ZNF804A: variants seen among roughly 807,000 people sequenced by gnomAD.
The protein encoded by ZNF804A is zinc finger protein 804A.
In ZNF804A, 2 loss-of-function variants were observed where a neutral mutation model predicts 16.5. The observed-to-expected ratio is 0.12, with a 90% CI of 0.05 to 0.38. The LOEUF (loss-of-function observed/expected upper bound fraction) is 0.38. Ranked by LOEUF, ZNF804A falls within the 10% of genes least tolerant of loss-of-function variation. ZNF804A has a pLI of 0.99. For synonymous variants in ZNF804A, 534 were observed against 489.6 expected, an observed-to-expected ratio of 1.09 and a Z score of -1.20; for missense variants, 1,473 against 1,390.7, an observed-to-expected ratio of 1.06 and a Z score of -0.94.
intron 1 of ZNF804A, among the ~76,000 whole-genome samples, chr2:184,813,463 A>G (rs999188543): frequency 6.6e-6 from 1 of 152,094 alleles, no homozygotes; most frequent in African/African-American, 2.4e-5. Context: ...ACATTTCTAG[A>G]AAGAAAAACA....
At chr2:184,849,272 A>C (rs112438652) in intron 1 of ZNF804A, among the ~76,000 whole-genome samples, 3 of 152,144 alleles carry the variant, frequency 2.0e-5, no homozygotes, top group Admixed American at 6.6e-5. Context: ...CCATACCATG[A>C]GTTATAGTAG....
chr2:184,892,483 C>CTTTTTTTT lies in ZNF804A; in HGVS notation c.255+25986_255+25993dup, dbSNP rs869292193. Among the ~76,000 whole-genome samples the CTTTTTTTT allele has an allele frequency of 1.6e-3, 170 of 105,732 alleles. 8 individuals are homozygous for CTTTTTTTT. Among genetic ancestry groups the CTTTTTTTT allele is most frequent in the East Asian group, 0.014 (45 of 3,136 alleles). 69.4% of individuals were successfully genotyped at this position (105,732 alleles called of 152,430 possible). A position where few individuals can be genotyped will look rare whatever the true frequency, so the allele number is the denominator to read the frequency against. ...CTTCTATTCCTCACATTGTTGTGTTCTTTTTTTTTTTTTTTTTTTTTTATG... is the reference window on the plus strand; with the variant it reads ...CTTCTATTCCTCACATTGTTGTGTTCTTTTTTTTTTTTTTTTTTTTTTTTTTTTTTATG... On this transcript the variant is annotated intron_variant, in intron 2 of 3. Transcript: ENST00000302277.
chr2:184,616,099 G>T (rs919177328), intron 1 of ZNF804A, among the ~76,000 whole-genome samples: 4 of 151,846 alleles, frequency 2.6e-5, no homozygotes, highest in Non-Finnish European at 5.9e-5. Flanking sequence ...TTACTTTTTT[G>T]CTGAGAAACA....
At chr2:184,777,046 G>A (rs1334324673) in intron 1 of ZNF804A, among the ~76,000 whole-genome samples, 1 of 151,512 alleles carries the variant, frequency 6.6e-6, no homozygotes, top group African/African-American at 2.4e-5. Flanking sequence ...AGAACTTCTT[G>A]AATCTAATGA....
intron 2 of ZNF804A, among the ~76,000 whole-genome samples, chr2:184,910,620 C>T (rs1455927134): frequency 6.6e-6 from 1 of 152,062 alleles, no homozygotes; most frequent in Non-Finnish European, 1.5e-5. Context: ...CTTTTCTCCA[C>T]AGCCTTGCCA....
chr2:184,880,039 A>C (rs1684785248), intron 2 of ZNF804A, among the ~76,000 whole-genome samples: 1 of 152,034 alleles, frequency 6.6e-6, no homozygotes, highest in African/African-American at 2.4e-5. Context: ...ACTAGGTTTT[A>C]ATATTTGCAA....
intron 2 of ZNF804A, among the ~76,000 whole-genome samples, chr2:184,875,408 C>T (rs1696038705): frequency 6.6e-6 from 1 of 152,072 alleles, no homozygotes; most frequent in South Asian, 2.1e-4. Context: ...GAGCCTGGCA[C>T]CTCCTCCCTC....
chr2:184,673,282 T>C (rs1692367382), intron 1 of ZNF804A, among the ~76,000 whole-genome samples: 1 of 152,194 alleles, frequency 6.6e-6, no homozygotes, highest in South Asian at 2.1e-4. Flanking sequence ...TAATAACCCA[T>C]CATTTTGTAT....
intron 1 of ZNF804A, among the ~76,000 whole-genome samples, chr2:184,690,025 C>G (rs564382197): frequency 6.6e-6 from 1 of 151,928 alleles, no homozygotes; most frequent in South Asian, 2.1e-4. Context: ...AATTTCAAAA[C>G]ATCTCTCAAA....
intron 1 of ZNF804A, among the ~76,000 whole-genome samples, chr2:184,662,304 G>C (rs1346534829): frequency 3.9e-5 from 6 of 152,110 alleles, no homozygotes; most frequent in Admixed American, 2.6e-4. Flanking sequence ...TCAGAAATCA[G>C]GTTTACGAAT....
At chr2:184,923,228 A>C (rs1357931762) in intron 2 of ZNF804A, among the ~76,000 whole-genome samples, 1 of 151,936 alleles carries the variant, frequency 6.6e-6, no homozygotes, top group African/African-American at 2.4e-5. Context: ...AATTTCTTAC[A>C]TCAATGTTTT....
intron 1 of ZNF804A, among the ~76,000 whole-genome samples, chr2:184,861,443 A>G (rs528297680): frequency 9.8e-4 from 149 of 152,220 alleles, no homozygotes; most frequent in African/African-American, 3.5e-3. Context: ...AGGGTGTCCT[A>G]TTTTCCATCA....
intron 1 of ZNF804A, among the ~76,000 whole-genome samples, chr2:184,730,480 G>A (rs1007364762): frequency 2.6e-5 from 4 of 152,104 alleles, no homozygotes; most frequent in Admixed American, 1.3e-4. Flanking sequence ...TGCCACTGTA[G>A]CATCATACAG....
At chr2:184,687,608 C>G (rs1457312497) in intron 1 of ZNF804A, among the ~76,000 whole-genome samples, 1 of 151,974 alleles carries the variant, frequency 6.6e-6, no homozygotes, top group Non-Finnish European at 1.5e-5. Context: ...TTACTGATGG[C>G]TGAGAGAAGG....
At chr2:184,839,502 AT>A (rs1307250673) in intron 1 of ZNF804A, among the ~76,000 whole-genome samples, 18 of 152,110 alleles carry the variant, frequency 1.2e-4, no homozygotes, top group Admixed American at 2.0e-4. Flanking sequence ...TTCTTTATCA[AT>A]AGGATACTCA....
intron 2 of ZNF804A, among the ~76,000 whole-genome samples, chr2:184,928,438 T>G (rs2105840150): frequency 6.6e-6 from 1 of 152,126 alleles, no homozygotes; most frequent in East Asian, 1.9e-4. Context: ...TGAAGGGATC[T>G]TTTAGGAGCC....
Position 184,904,413 on chromosome 2 carries a change from A to C in ZNF804A, c.256-29190A>C, listed in dbSNP as rs115842827. On this transcript the variant is annotated intron_variant, in intron 2 of 3. Transcript: ENST00000302277. ...ACTGTCAACCATTGTCAGGTGGCAT[A>C]ATTTAGAGGTGCAGATAGAAGCTAA... 3.7e-3 allele frequency among the ~76,000 whole-genome samples: 565 copies of C among 152,148 alleles called. 3 individuals carry two copies. The highest frequency in any genetic ancestry group is 0.013 in the African/African-American group (543 of 41,542).
At position 184,598,798 on chromosome 2, in the gene ZNF804A, A is replaced by G; in HGVS notation, c.-162A>G. 2 of 437,214 alleles carry G rather than the reference A, an allele frequency of 4.6e-6. No individual in the cohort carries two copies. The highest frequency in any genetic ancestry group is 3.9e-6 in the Non-Finnish European group (1 of 253,646). 27.1% of individuals were successfully genotyped at this position (437,214 alleles called of 1,614,324 possible). On this transcript the variant is annotated 5_prime_UTR_variant, in exon 1 of 4. Transcript: ENST00000302277. ...AGGCGGGGGAGCCTCGGCGCTCACC[A>G]CAGAGGGGTGCAGTGAGCCAGTCTC...
intron 1 of ZNF804A, among the ~76,000 whole-genome samples, chr2:184,779,759 A>C (rs1694345425): frequency 6.6e-6 from 1 of 151,756 alleles, no homozygotes; most frequent in Admixed American, 6.6e-5. Flanking sequence ...GAACCTTCAG[A>C]ATGGAACGCA....
Sources: allele counts gnomAD v4.1 joint callset (sites outside exome capture counted in the v4.1 genomes callset), GRCh38; gene constraint gnomAD v4.1.1; transcripts MANE v1.5; gene names NCBI Gene and HGNC (gene_info 2026-07-23, HGNC 2026-07-21).